LAMA2: variants seen among roughly 807,000 people sequenced by gnomAD.
The protein encoded by LAMA2 is laminin subunit alpha 2, also known as laminin subunit alpha-2.
A neutral mutation model predicts 364.8 loss-of-function variants in LAMA2; 269 were observed. The ratio of observed to expected loss-of-function variants is 0.74; its 90% confidence interval spans 0.67 to 0.82. LAMA2 has a LOEUF of 0.82. Ranked by LOEUF, LAMA2 falls within the 40% of genes least tolerant of loss-of-function variation. LAMA2 has a pLI of 0.00. For missense variants in LAMA2, 3,807 were observed against 3,873.2 expected (o/e 0.98, Z 0.45); for synonymous variants, 1,379 against 1,370.6 (o/e 1.01, Z -0.14).
chr6:129,468,912 G>A (rs1329384806), intron 51 of LAMA2, among the ~76,000 whole-genome samples: 1 of 151,834 alleles, frequency 6.6e-6, no homozygotes, highest in Non-Finnish European at 1.5e-5. Context: ...TGGAGGGAGA[G>A]AAATAAGGCA....
chr6:129,327,226 G>A (rs953177765), intron 28 of LAMA2, among the ~76,000 whole-genome samples: 4 of 152,204 alleles, frequency 2.6e-5, no homozygotes, highest in African/African-American at 9.6e-5. Flanking sequence ...AAATAAACAA[G>A]GAGGGTGCTA....
rs144725812 is a variant in LAMA2 at position 129,159,306 on chromosome 6, G to A, written c.1206+4623G>A. ...TGTGGCTAGATAAAACTGTACTTCC[G>A]ATTTTCTCCAAACAGCTTTGACCTA... is the stretch of plus-strand genomic sequence containing the variant. On this transcript the variant is annotated intron_variant, in intron 8 of 64. Transcript: ENST00000421865. 4.9e-3 allele frequency among the ~76,000 whole-genome samples: 747 copies of A among 152,228 alleles called. 7 individuals are homozygous for A. Among genetic ancestry groups the A allele is most frequent in the African/African-American group, 0.017 (716 of 41,524 alleles).
intron 1 of LAMA2, among the ~76,000 whole-genome samples, chr6:128,945,438 G>T (rs566666475): frequency 2.0e-3 from 310 of 152,274 alleles, no homozygotes; most frequent in African/African-American, 7.0e-3. Context: ...AAGAACAGCT[G>T]CTTTTTCTTA....
intron 1 of LAMA2, among the ~76,000 whole-genome samples, chr6:128,973,584 C>T (rs1448323493): frequency 6.6e-6 from 1 of 152,130 alleles, no homozygotes; most frequent in Non-Finnish European, 1.5e-5. Context: ...CTATATACTT[C>T]TCTAACTTAT....
chr6:128,988,152 C>T (rs1783385433), intron 1 of LAMA2, among the ~76,000 whole-genome samples: 1 of 152,160 alleles, frequency 6.6e-6, no homozygotes, highest in Non-Finnish European at 1.5e-5. Flanking sequence ...AGGCATGAAC[C>T]ACTGTGCCCG....
At chr6:129,214,660 C>G (rs1783312084) in intron 12 of LAMA2, among the ~76,000 whole-genome samples, 1 of 152,158 alleles carries the variant, frequency 6.6e-6, no homozygotes, top group South Asian at 2.1e-4. Context: ...CTGACCAGTA[C>G]TATATTGTCT....
At position 129,172,559 on chromosome 6, in the gene LAMA2, G is replaced by T. The variant is rs57842495; in HGVS notation, c.1307-5147G>T. On this transcript the variant is annotated intron_variant, in intron 9 of 64. Transcript: ENST00000421865. Reference sequence around the variant, plus strand: ...TTAGATCTCCAGCTGCGTGCTGGGAGAACCACTGCTCTCTTCAAAGCTGTC... The same window carrying T: ...TTAGATCTCCAGCTGCGTGCTGGGATAACCACTGCTCTCTTCAAAGCTGTC... 2.3e-3 allele frequency among the ~76,000 whole-genome samples: 346 copies of T among 152,340 alleles called. 1 individual carries two copies. The highest frequency in any genetic ancestry group is 7.4e-3 in the African/African-American group (306 of 41,584).
intron 1 of LAMA2, among the ~76,000 whole-genome samples, chr6:128,979,697 A>C (rs1225588104): frequency 6.6e-6 from 1 of 152,142 alleles, no homozygotes. Context: ...CAGTCAACAG[A>C]CTCTGTAGTT....
At chr6:129,385,440 A>C in intron 35 of LAMA2, among the ~76,000 whole-genome samples, 1 of 151,924 alleles carries the variant, frequency 6.6e-6, no homozygotes, top group East Asian at 1.9e-4. Flanking sequence ...AACTATAATA[A>C]TGAGGGATAA....
In LAMA2 at chr6:129,478,801, A is replaced by T. The variant is rs1298162958; in HGVS notation, c.7560A>T (p.Gly2520=). 2 of 1,613,310 alleles carry T rather than the reference A, an allele frequency of 1.2e-6. No individual in the cohort carries two copies. Among genetic ancestry groups the T allele is most frequent in the Admixed American group, 3.3e-5 (2 of 60,008 alleles). ...SSPDYVGVTK[G]CSLENVYTVS... is the part of the protein sequence containing the mutation. Reference sequence around the variant, plus strand: ...CCGATTATGTTGGTGTTACCAAAGGATGTTCCCTGGAGGTTGGTCTGTTTT... The same window carrying T: ...CCGATTATGTTGGTGTTACCAAAGGTTGTTCCCTGGAGGTTGGTCTGTTTT... Residue 2520 remains glycine (G), a synonymous_variant, in exon 54 of 65, where the codon GGA becomes GGT. Coordinates refer to ENST00000421865, the MANE Select transcript of LAMA2 (RefSeq NM_000426.4).
intron 15 of LAMA2, among the ~76,000 whole-genome samples, chr6:129,265,557 A>C (rs1787445242): frequency 6.6e-6 from 1 of 152,066 alleles, no homozygotes; most frequent in African/African-American, 2.4e-5. Context: ...GAATCTAGGG[A>C]GGCAAAAAAT....
intron 28 of LAMA2, among the ~76,000 whole-genome samples, chr6:129,324,163 T>C (rs946897647): frequency 2.0e-5 from 3 of 152,226 alleles, no homozygotes; most frequent in Non-Finnish European, 2.9e-5. Context: ...TTTACAAATA[T>C]AACCTAAAAC....
intron 17 of LAMA2, among the ~76,000 whole-genome samples, chr6:129,275,909 A>T (rs373574952): frequency 3.9e-5 from 6 of 152,088 alleles, no homozygotes; most frequent in African/African-American, 1.4e-4. Context: ...CTTAGAAAAT[A>T]AATCAAGTCT....
chr6:129,049,530 C>T (rs970922274), intron 1 of LAMA2, among the ~76,000 whole-genome samples: 1 of 151,934 alleles, frequency 6.6e-6, no homozygotes, highest in Admixed American at 6.6e-5. Context: ...GAAACATTAA[C>T]ATGCAATTAT....
chr6:129,031,786 C>T (rs1786244153), intron 1 of LAMA2, among the ~76,000 whole-genome samples: 2 of 151,738 alleles, frequency 1.3e-5, no homozygotes, highest in South Asian at 2.1e-4. Context: ...AGAACAGGCA[C>T]ACAATTTATG....
intron 16 of LAMA2, 41 bp from the exon 17 acceptor site, chr6:129,270,583 G>T: frequency 6.2e-7 from 1 of 1,610,678 alleles, no homozygotes; most frequent in South Asian, 1.1e-5. Context: ...GTTGATCCCT[G>T]ACACCAAAAT....
At chr6:129,439,581 A>T (rs1011716052) in intron 42 of LAMA2, among the ~76,000 whole-genome samples, 11 of 152,020 alleles carry the variant, frequency 7.2e-5, no homozygotes, top group African/African-American at 2.2e-4. Flanking sequence ...TAGTGGTCAA[A>T]CCATGTCTGT....
intron 4 of LAMA2, among the ~76,000 whole-genome samples, chr6:129,104,340 G>T (rs957380013): frequency 6.6e-6 from 1 of 152,090 alleles, no homozygotes; most frequent in Non-Finnish European, 1.5e-5. Flanking sequence ...ATGTAACAAG[G>T]CATTATGAAA....
intron 45 of LAMA2, among the ~76,000 whole-genome samples, chr6:129,450,362 C>G (rs1022678187): frequency 2.6e-5 from 4 of 151,776 alleles, no homozygotes; most frequent in Non-Finnish European, 5.9e-5. Context: ...CTTTGTCACC[C>G]AGGCTGGAGT....
Sources: gnomAD v4.1 joint callset for allele counts (sites outside exome capture counted in the v4.1 genomes callset) on GRCh38, gnomAD v4.1.1 for gene constraint, MANE v1.5 for transcripts, NCBI Gene and HGNC (gene_info 2026-07-23, HGNC 2026-07-21) for gene names.